The following CELF2 variants were observed in gnomAD, a reference collection of about 807,000 sequenced individuals.
CELF2 encodes CUGBP Elav-like family member 2.
Under a neutral mutation model 62.6 loss-of-function variants are expected in CELF2, and 8 were observed. The observed-to-expected ratio is 0.13, with a 90% CI of 0.07 to 0.23. CELF2 has a LOEUF of 0.23. Ranked by LOEUF, CELF2 falls within the 10% of genes least tolerant of loss-of-function variation. The pLI, the probability that CELF2 is intolerant of heterozygous loss-of-function variation, is 1.00. For synonymous variants in CELF2, 258 were observed against 250.0 expected, an observed-to-expected ratio of 1.03 and a Z score of -0.30; for missense variants, 333 against 671.0, an observed-to-expected ratio of 0.50 and a Z score of 5.56.
the CELF2 span, among the ~76,000 whole-genome samples, chr10:10,626,417 T>G: frequency 6.6e-6 from 1 of 151,918 alleles, no homozygotes; most frequent in African/African-American, 2.4e-5. Context: ...ACTAAACGAG[T>G]TTCATATGCA....
chr10:11,126,220 T>C (rs2058674238), intron 1 of CELF2, among the ~76,000 whole-genome samples: 1 of 152,240 alleles, frequency 6.6e-6, no homozygotes, highest in East Asian at 1.9e-4. Flanking sequence ...TCACAGCATT[T>C]TCAGCAATAA....
At chr10:11,295,258 G>C (rs1167992642) in intron 9 of CELF2, among the ~76,000 whole-genome samples, 1 of 152,006 alleles carries the variant, frequency 6.6e-6, no homozygotes, top group Non-Finnish European at 1.5e-5. Flanking sequence ...TGTGTGCCTG[G>C]AACTGTTCCA....
chr10:10,966,410 A>T (rs1299670569), intron 2 of CELF2, among the ~76,000 whole-genome samples: 1 of 152,118 alleles, frequency 6.6e-6, no homozygotes, highest in Non-Finnish European at 1.5e-5. Flanking sequence ...CTCTTTCTCT[A>T]TTAATGTCTT....
chr10:10,753,230 T>G, the CELF2 span, among the ~76,000 whole-genome samples: 2 of 152,252 alleles, frequency 1.3e-5, no homozygotes, highest in East Asian at 1.9e-4. Flanking sequence ...AAAGTTTATG[T>G]CTCTTTAATT....
intron 1 of CELF2, among the ~76,000 whole-genome samples, chr10:11,031,151 G>T (rs1451573232): frequency 1.3e-5 from 2 of 152,168 alleles, no homozygotes; most frequent in African/African-American, 4.8e-5. Context: ...ATTAGAAAAT[G>T]GTTCTCAGGT....
the CELF2 span, among the ~76,000 whole-genome samples, chr10:10,738,216 G>A: frequency 1.3e-5 from 2 of 152,262 alleles, no homozygotes; most frequent in Middle Eastern, 6.8e-3. Context: ...AGGGTATGTG[G>A]CAACATCTTT....
chr10:10,728,326 G>A, the CELF2 span, among the ~76,000 whole-genome samples: 24,089 of 150,632 alleles, frequency 0.16, 2,189 homozygotes, highest in East Asian at 0.28. Context: ...GGTGGTGTGC[G>A]CCTGTAATCC....
In CELF2 at chr10:11,302,214, C is replaced by T. The variant is rs1472729569; in HGVS notation, c.977-11925C>T. On this transcript the variant is annotated intron_variant, in intron 9 of 12. Coordinates refer to ENST00000633077, the MANE Select transcript of CELF2 (RefSeq NM_001326342.2). This position sits in a 1 kb window ranked among gnomAD's most constrained non-coding sequence, Gnocchi z 5.0. ...TCCTGTCACAAACCAAACCTTCCCA[C>T]TCCCTGCAGCCTCTCACCTTCTCAT... Among the ~76,000 whole-genome samples, 1 of 152,218 alleles carries T rather than the reference C, an allele frequency of 6.6e-6. No homozygotes were observed. The highest frequency in any genetic ancestry group is 1.5e-5 in the Non-Finnish European group (1 of 68,034).
intron 1 of CELF2, among the ~76,000 whole-genome samples, chr10:11,036,101 C>T (rs2060908125): frequency 1.3e-5 from 2 of 152,136 alleles, no homozygotes; most frequent in South Asian, 4.2e-4. Flanking sequence ...GAAAGCCAGG[C>T]TGTACTTAAG....
the CELF2 span, among the ~76,000 whole-genome samples, chr10:10,471,513 T>C: frequency 6.6e-6 from 1 of 151,740 alleles, no homozygotes; most frequent in Non-Finnish European, 1.5e-5. Context: ...AGTAGAATAT[T>C]GTAGATTACA....
chr10:11,032,981 A>G (rs1179895806), intron 1 of CELF2, among the ~76,000 whole-genome samples: 2 of 152,230 alleles, frequency 1.3e-5, no homozygotes, highest in Non-Finnish European at 2.9e-5. Flanking sequence ...TAATACAAAG[A>G]TTACCAATTA....
the CELF2 span, among the ~76,000 whole-genome samples, chr10:10,685,889 T>G: frequency 7.5e-4 from 114 of 152,284 alleles, 1 homozygote; most frequent in East Asian, 0.018. Flanking sequence ...TTGATCAAAT[T>G]CATGGAATAA....
At chr10:11,017,529 C>A (rs2057417848), upstream of CELF2, among the ~76,000 whole-genome samples, 1 of 152,228 alleles carries the variant, frequency 6.6e-6, no homozygotes, top group Admixed American at 6.5e-5. This position sits in a 1 kb window ranked among gnomAD's most constrained non-coding sequence, Gnocchi z 5.5. Flanking sequence ...CACCGAGGAG[C>A]ATCGAAGCGA....
the CELF2 span, among the ~76,000 whole-genome samples, chr10:10,496,524 C>A: frequency 6.6e-6 from 1 of 152,138 alleles, no homozygotes; most frequent in Non-Finnish European, 1.5e-5. Context: ...AGGTGCTTGA[C>A]AGATAGCTGT....
chr10:10,817,895 A>G (rs10905835), intron 1 of CELF2, among the ~76,000 whole-genome samples: 93,013 of 151,994 alleles, frequency 0.61, 28,648 homozygotes, highest in African/African-American at 0.68. Flanking sequence ...GTAAGACAGT[A>G]GACTTTTGTG....
rs537469705 is a variant in CELF2 at position 11,330,406 on chromosome 10, C to T, written c.*1353C>T. On this transcript the variant is annotated 3_prime_UTR_variant, in exon 13 of 13. Coordinates refer to ENST00000633077, the MANE Select transcript of CELF2 (RefSeq NM_001326342.2). This position sits in a 1 kb window ranked among gnomAD's most constrained non-coding sequence, Gnocchi z 4.5. ...GCACCCTTAAAAGTGATTTTGTTGCCGCTGCATAGATTCTGTGTAACTTTT... is the reference window on the plus strand; with the variant it reads ...GCACCCTTAAAAGTGATTTTGTTGCTGCTGCATAGATTCTGTGTAACTTTT... The T allele has an allele frequency of 3.3e-5, 5 of 152,576 alleles. No individual in the cohort carries two copies. The highest frequency in any genetic ancestry group is 2.1e-4 in the South Asian group (1 of 4,820). The allele number at this position is 152,576 out of a possible 1,614,324, so 9.5% of individuals were successfully genotyped here. A position where few individuals can be genotyped will look rare whatever the true frequency, so the allele number is the denominator to read the frequency against.
chr10:11,175,678 A>G (rs1313846090), intron 2 of CELF2, among the ~76,000 whole-genome samples: 1 of 152,204 alleles, frequency 6.6e-6, no homozygotes, highest in Non-Finnish European at 1.5e-5. Flanking sequence ...TTTTGTAACA[A>G]TGAGTTGAGG....
the CELF2 span, among the ~76,000 whole-genome samples, chr10:10,509,925 G>A: frequency 1.3e-5 from 2 of 152,206 alleles, no homozygotes; most frequent in Non-Finnish European, 2.9e-5. Context: ...GGGGCCACCA[G>A]TGACCCTACA....
chr10:10,750,287 A>C, the CELF2 span, among the ~76,000 whole-genome samples: 13 of 151,684 alleles, frequency 8.6e-5, no homozygotes, highest in Non-Finnish European at 1.9e-4. Context: ...TCTCAAAGAA[A>C]AAAAAAAAAA....
Sources: gnomAD v4.1 joint callset for allele counts (sites outside exome capture counted in the v4.1 genomes callset) on GRCh38, gnomAD v4.1.1 for gene constraint, Gnocchi (gnomAD v3.1) non-coding constraint, MANE v1.5 for transcripts, NCBI Gene and HGNC (gene_info 2026-07-23, HGNC 2026-07-21) for gene names.